GRM8: variants seen among roughly 807,000 people sequenced by gnomAD.
The protein encoded by GRM8 is metabotropic glutamate receptor 8.
In GRM8, 47 loss-of-function variants were observed where a neutral mutation model predicts 87.2. That is an observed-to-expected ratio of 0.54 (90% CI 0.43 to 0.69). The LOEUF (loss-of-function observed/expected upper bound fraction) is 0.69. Among genes scored for constraint, GRM8 ranks in the 30% least tolerant of loss-of-function variants. GRM8 has a pLI of 0.00. For synonymous variants in GRM8, 396 were observed against 404.5 expected (o/e 0.98, Z 0.25); for missense variants, 1,019 against 1,139.2 (o/e 0.89, Z 1.52).
intron 2 of GRM8, among the ~76,000 whole-genome samples, chr7:127,214,273 A>G (rs992642899): frequency 2.0e-5 from 3 of 152,206 alleles, no homozygotes; most frequent in African/African-American, 7.2e-5. Context: ...GGGGTTTATG[A>G]GATGCTGGTA....
intron 3 of GRM8, among the ~76,000 whole-genome samples, chr7:126,962,198 C>A (rs1809389108): frequency 6.6e-6 from 1 of 152,170 alleles, no homozygotes; most frequent in South Asian, 2.1e-4. Flanking sequence ...TATATTTTCT[C>A]CCTTAACATC....
intron 7 of GRM8, among the ~76,000 whole-genome samples, chr7:126,737,981 T>C (rs1246062540): frequency 6.6e-6 from 1 of 151,946 alleles, no homozygotes; most frequent in South Asian, 2.1e-4. Context: ...TTTTGAAAGA[T>C]AAAGAGTAAA....
At chr7:126,716,849 A>G (rs1811799605) in intron 7 of GRM8, among the ~76,000 whole-genome samples, 1 of 152,228 alleles carries the variant, frequency 6.6e-6, no homozygotes, top group Non-Finnish European at 1.5e-5. Flanking sequence ...AGGAAGAATC[A>G]TGAACATGAG....
chr7:126,902,146 T>A (rs1276136416), intron 6 of GRM8, among the ~76,000 whole-genome samples: 2 of 152,208 alleles, frequency 1.3e-5, no homozygotes, highest in Non-Finnish European at 2.9e-5. Flanking sequence ...GGACAGCGAT[T>A]AAAATAGTTG....
At position 126,788,420 on chromosome 7, in the gene GRM8, A is replaced by AAAAAAAAAAAAACAAAAAAAAAAAAAC; in HGVS notation, c.1157-18356_1157-18355insGTTTTTTTTTTTTTGTTTTTTTTTTTT. Among the ~76,000 whole-genome samples the AAAAAAAAAAAAACAAAAAAAAAAAAAC allele has an allele frequency of 3.1e-4, 25 of 81,120 alleles. 1 individual carries two copies. Among genetic ancestry groups the AAAAAAAAAAAAACAAAAAAAAAAAAAC allele is most frequent in the African/African-American group, 6.4e-4 (14 of 21,822 alleles). The allele number at this position is 81,120 out of a possible 152,430, so 53.2% of individuals were successfully genotyped here. On this transcript the variant is annotated intron_variant, in intron 6 of 10. Transcript: ENST00000339582. ...GCAAGACTCCATCTCAAAAAAAAAAAAAACCCTTTCAGATATCTTTAACAT... is the reference window on the plus strand; with the variant it reads ...GCAAGACTCCATCTCAAAAAAAAAAAAAAAAAAAAAAACAAAAAAAAAAAAACAAACCCTTTCAGATATCTTTAACAT...
At chr7:127,091,933 G>C (rs1379665138) in intron 3 of GRM8, among the ~76,000 whole-genome samples, 2 of 23,074 alleles carry the variant, frequency 8.7e-5, no homozygotes, top group Non-Finnish European at 1.5e-4. Flanking sequence ...GATCATCCCC[G>C]CCATCCCACT....
chr7:127,223,143 TAAG>T (rs1288236850), intron 2 of GRM8, among the ~76,000 whole-genome samples: 2 of 152,022 alleles, frequency 1.3e-5, no homozygotes, highest in African/African-American at 2.4e-5. Flanking sequence ...AAAACAAGCA[TAAG>T]AAGACACCGA....
intron 7 of GRM8, among the ~76,000 whole-genome samples, chr7:126,729,160 C>T (rs1356358462): frequency 6.6e-6 from 1 of 152,194 alleles, no homozygotes; most frequent in Non-Finnish European, 1.5e-5. Flanking sequence ...CCTCCCTTTG[C>T]TTCATTTTCT....
intron 6 of GRM8, among the ~76,000 whole-genome samples, chr7:126,877,348 C>T (rs13311037): frequency 3.3e-5 from 5 of 152,158 alleles, no homozygotes; most frequent in Non-Finnish European, 7.3e-5. Context: ...ATGTATCCTA[C>T]GGTTTGAGCT....
intron 7 of GRM8, among the ~76,000 whole-genome samples, chr7:126,684,785 T>C (rs1345514219): frequency 6.6e-6 from 1 of 152,194 alleles, no homozygotes; most frequent in Non-Finnish European, 1.5e-5. Context: ...ACATCTTGTG[T>C]TCTGTGTATT....
At chr7:126,589,451 C>T (rs947206160) in intron 8 of GRM8, among the ~76,000 whole-genome samples, 28 of 152,114 alleles carry the variant, frequency 1.8e-4, no homozygotes, top group African/African-American at 6.8e-4. Flanking sequence ...AAACCCATCC[C>T]CCACAGCAGC....
intron 3 of GRM8, among the ~76,000 whole-genome samples, chr7:126,974,060 T>C (rs1341266762): frequency 6.6e-6 from 1 of 152,234 alleles, no homozygotes; most frequent in Non-Finnish European, 1.5e-5. Flanking sequence ...TCATTCAACA[T>C]ACACAAACTT....
chr7:126,735,883 G>T (rs560708135), intron 7 of GRM8, among the ~76,000 whole-genome samples: 2 of 152,038 alleles, frequency 1.3e-5, no homozygotes, highest in African/African-American at 2.4e-5. Flanking sequence ...GCTGGAAGCC[G>T]AAGCAGGGAC....
At chr7:127,245,186 C>G (rs1798521043) in intron 1 of GRM8, among the ~76,000 whole-genome samples, 1 of 152,196 alleles carries the variant, frequency 6.6e-6, no homozygotes, top group Non-Finnish European at 1.5e-5. Flanking sequence ...TTACACCGGC[C>G]ACCCATTAAG....
intron 2 of GRM8, among the ~76,000 whole-genome samples, chr7:127,145,438 T>C (rs1004235899): frequency 2.0e-5 from 3 of 152,140 alleles, no homozygotes; most frequent in Admixed American, 6.6e-5. Flanking sequence ...AAGTATTTAA[T>C]GTCTTTCTAC....
At chr7:127,027,364 C>A (rs1816894239) in intron 3 of GRM8, among the ~76,000 whole-genome samples, 3 of 152,090 alleles carry the variant, frequency 2.0e-5, no homozygotes, top group African/African-American at 4.8e-5. Flanking sequence ...TTTTCCAATT[C>A]TTTGAAGAAA....
At chr7:126,974,308 G>A (rs1810726736) in intron 3 of GRM8, among the ~76,000 whole-genome samples, 1 of 151,966 alleles carries the variant, frequency 6.6e-6, no homozygotes, top group Non-Finnish European at 1.5e-5. Flanking sequence ...GTATTGTATT[G>A]GGCATTTGCG....
intron 3 of GRM8, among the ~76,000 whole-genome samples, chr7:127,044,877 T>C (rs917182006): frequency 6.6e-6 from 1 of 152,188 alleles, no homozygotes; most frequent in Non-Finnish European, 1.5e-5. Context: ...AAGGAAAATA[T>C]AGCAAAACCT....
At chr7:126,614,441 A>G (rs1799238370) in intron 7 of GRM8, among the ~76,000 whole-genome samples, 1 of 152,162 alleles carries the variant, frequency 6.6e-6, no homozygotes, top group African/African-American at 2.4e-5. Context: ...ACAGAGCTGA[A>G]AAGCTGAAAA....
Sources: gnomAD v4.1 joint callset for allele counts (sites outside exome capture counted in the v4.1 genomes callset) on GRCh38, gnomAD v4.1.1 for gene constraint, MANE v1.5 for transcripts, NCBI Gene and HGNC (gene_info 2026-07-23, HGNC 2026-07-21) for gene names.